Variants in PTPN14 observed in about 807,000 individuals in gnomAD.
PTPN14 encodes protein tyrosine phosphatase non-receptor type 14, also known as tyrosine-protein phosphatase non-receptor type 14.
A neutral mutation model predicts 126.8 loss-of-function variants in PTPN14; 53 were observed. The observed-to-expected ratio is 0.42, with a 90% CI of 0.34 to 0.53. The LOEUF (loss-of-function observed/expected upper bound fraction) is 0.53, where lower values mean the gene tolerates loss of function less well. Ranked by LOEUF, PTPN14 falls within the 20% of genes least tolerant of loss-of-function variation. The pLI, the probability that PTPN14 is intolerant of heterozygous loss-of-function variation, is 0.08. For synonymous variants in PTPN14, 630 were observed against 599.3 expected, an observed-to-expected ratio of 1.05 and a Z score of -0.75; for missense variants, 1,257 against 1,552.9, an observed-to-expected ratio of 0.81 and a Z score of 3.20.
intron 5 of PTPN14, among the ~76,000 whole-genome samples, chr1:214,406,658 A>G (rs1659179008): frequency 6.6e-6 from 1 of 152,180 alleles, no homozygotes; most frequent in African/African-American, 2.4e-5. Flanking sequence ...CTGTCCAATG[A>G]TGAGATTTAT....
chr1:214,389,053 T>C (rs972221151), intron 11 of PTPN14, among the ~76,000 whole-genome samples: 3 of 152,214 alleles, frequency 2.0e-5, no homozygotes, highest in African/African-American at 7.2e-5. Flanking sequence ...TTTGGCTGAT[T>C]TTTGAGTTGC....
chr1:214,458,151 G>C (rs920677092), intron 2 of PTPN14, among the ~76,000 whole-genome samples: 1 of 152,098 alleles, frequency 6.6e-6, no homozygotes, highest in Non-Finnish European at 1.5e-5. Flanking sequence ...CCGAGCTCAA[G>C]GGATCCTCCT....
chr1:214,506,889 A>T (rs529267796), intron 1 of PTPN14, among the ~76,000 whole-genome samples: 1 of 148,440 alleles, frequency 6.7e-6, no homozygotes, highest in South Asian at 2.1e-4. Context: ...ACACACTAAC[A>T]TCTGCTAACA....
At chr1:214,393,823 A>C in intron 9 of PTPN14, 46 bp from the exon 10 acceptor site, 2 of 1,423,432 alleles carry the variant, frequency 1.4e-6, no homozygotes, top group African/African-American at 1.4e-5. Context: ...TTGTTGAATT[A>C]GTTATACATT....
chr1:214,476,986 T>C (rs1449194498), intron 1 of PTPN14, among the ~76,000 whole-genome samples: 1 of 152,160 alleles, frequency 6.6e-6, no homozygotes. Flanking sequence ...AACAAGCCAA[T>C]TGTTACAGAG....
At chr1:214,465,044 C>G (rs1255142765) in intron 1 of PTPN14, 87 bp from the exon 2 acceptor site, 5 of 7,502 alleles carry the variant, frequency 6.7e-4, no homozygotes, top group Admixed American at 2.2e-3. Context: ...AGCCCCCCCC[C>G]CCCCCCACCC....
At chr1:214,400,607 G>C (rs1658993203) in intron 7 of PTPN14, among the ~76,000 whole-genome samples, 1 of 152,186 alleles carries the variant, frequency 6.6e-6, no homozygotes. Flanking sequence ...AGATTGAGAA[G>C]TCAGTTTTCT....
Position 214,414,639 on chromosome 1 carries a change from T to G in PTPN14, c.432A>C (p.Leu144=). The change falls in exon 4 of 19, where the codon CTA becomes CTC. Residue 144 remains leucine (L), a synonymous_variant. Transcript: ENST00000366956. ...TLDQVIRLAG[L]AVQADFGDYN... ...ATAACTATGTCTTACCTTGCACAGC[T>G]AGGCCGGCTAGCCGAATCACCTGGT... 6.2e-7 allele frequency: 1 copy of G among 1,613,714 alleles called. No homozygotes were observed. Among genetic ancestry groups the G allele is most frequent in the East Asian group, 2.2e-5 (1 of 44,884 alleles).
At chr1:214,490,627 A>G (rs1049511445) in intron 1 of PTPN14, among the ~76,000 whole-genome samples, 1 of 151,774 alleles carries the variant, frequency 6.6e-6, no homozygotes, top group Non-Finnish European at 1.5e-5. Context: ...ATTTGAGGGC[A>G]GAAGTTCACG....
Position 214,448,052 on chromosome 1 carries a change from C to T in PTPN14, c.344+3753G>A, listed in dbSNP as rs190190637. ...ACTACCAAAACTTTTTACTCTATAC[C>T]TCCCTCTTTGAAATTTAAATACCTT... is the stretch of plus-strand genomic sequence containing the variant. On this transcript the variant is annotated intron_variant, in intron 3 of 18. Transcript: ENST00000366956. Among the ~76,000 whole-genome samples, 21 of 152,304 alleles carry T rather than the reference C, an allele frequency of 1.4e-4. No homozygotes were observed. In the East Asian group the frequency reaches 4.0e-3, roughly 29 times the overall value.
chr1:214,452,248 C>T (rs975584576), intron 2 of PTPN14, among the ~76,000 whole-genome samples: 3 of 152,178 alleles, frequency 2.0e-5, no homozygotes, highest in Non-Finnish European at 2.9e-5. Context: ...AGGGGAGTCG[C>T]GCAGGGAAGG....
At position 214,383,928 on chromosome 1, in the gene PTPN14, G is replaced by A. The variant is rs1271183894; in HGVS notation, c.1927C>T (p.Leu643=). ...HHGTVNKRHS[L]EVMNSMVRGM... ...CGCACCATGCTGTTCATCACCTCCA[G>A]GCTGTGGCGCTTGTTCACAGTGCCG... The change falls in exon 13 of 19, where the codon CTG becomes TTG. Residue 643 remains leucine (L), a synonymous_variant. Transcript: ENST00000366956. The surrounding 1 kb of genome is among the most constrained non-coding windows in gnomAD (Gnocchi z 4.4). 2 of 1,613,284 alleles carry A rather than the reference G, an allele frequency of 1.2e-6. No homozygotes were observed. The highest frequency in any genetic ancestry group is 2.7e-5 in the African/African-American group (2 of 74,954).
rs370487363 is a variant in PTPN14, at chr1:214,411,771, G to A, written c.443-20C>T. 1.5e-4 allele frequency: 218 copies of A among 1,455,930 alleles called. No homozygotes were observed. In the African/African-American group the frequency reaches 3.0e-3, roughly 20 times the overall value. 90.2% of individuals were successfully genotyped at this position (1,455,930 alleles called of 1,614,324 possible). On this transcript the variant is annotated intron_variant, in intron 4 of 18. Transcript: ENST00000366956. Reference sequence around the variant, plus strand: ...AATCAGCTGAGAAGAAAAGAAGATGGAAGGGCAGTATTTATTATATGAAAT... The same window carrying A: ...AATCAGCTGAGAAGAAAAGAAGATGAAAGGGCAGTATTTATTATATGAAAT...
chr1:214,388,366 G>T (rs141733057), intron 11 of PTPN14, among the ~76,000 whole-genome samples: 4 of 151,904 alleles, frequency 2.6e-5, no homozygotes, highest in African/African-American at 9.7e-5. Flanking sequence ...GCTTACGTTT[G>T]TAAGCCACCG....
At chr1:214,420,205 G>T (rs1659514172) in intron 3 of PTPN14, among the ~76,000 whole-genome samples, 1 of 152,206 alleles carries the variant, frequency 6.6e-6, no homozygotes, top group African/African-American at 2.4e-5. Flanking sequence ...TAAAACTCTA[G>T]CAAAGATACC....
intron 1 of PTPN14, among the ~76,000 whole-genome samples, chr1:214,507,035 C>T (rs6540844): frequency 0.77 from 117,465 of 151,934 alleles, 45,972 homozygotes; most frequent in African/African-American, 0.86. Context: ...GATGACAAAC[C>T]ATTCATGGAT....
At chr1:214,511,914 T>C (rs541595568) in intron 1 of PTPN14, among the ~76,000 whole-genome samples, 2 of 152,218 alleles carry the variant, frequency 1.3e-5, no homozygotes, top group Admixed American at 6.5e-5. Context: ...TTTTTTAGAT[T>C]CTATAATTCT....
intron 1 of PTPN14, among the ~76,000 whole-genome samples, chr1:214,494,309 G>A (rs895396263): frequency 1.3e-5 from 2 of 151,968 alleles, no homozygotes; most frequent in East Asian, 1.9e-4. Context: ...TGATCCGCCC[G>A]CCTTGGCTTC....
intron 17 of PTPN14, among the ~76,000 whole-genome samples, chr1:214,366,584 T>C (rs1479494534): frequency 2.6e-5 from 4 of 152,158 alleles, no homozygotes; most frequent in Admixed American, 2.6e-4. Flanking sequence ...ATCCAGGTAA[T>C]CTAATTTAAA....
Sources: gnomAD v4.1 joint callset for allele counts (sites outside exome capture counted in the v4.1 genomes callset) on GRCh38, gnomAD v4.1.1 for gene constraint, Gnocchi (gnomAD v3.1) non-coding constraint, MANE v1.5 for transcripts, NCBI Gene and HGNC (gene_info 2026-07-23, HGNC 2026-07-21) for gene names.